Variants in CTNNA3 observed in about 807,000 individuals in gnomAD.
CTNNA3 encodes catenin alpha-3.
Under a neutral mutation model 95.7 loss-of-function variants are expected in CTNNA3, and 76 were observed. That is an observed-to-expected ratio of 0.79 (90% confidence interval 0.66 to 0.96). The LOEUF is 0.96. CTNNA3 is among the 40% of genes least tolerant of loss of function. The pLI is 0.00. For missense variants in CTNNA3, 1,191 were observed against 1,089.8 expected (o/e 1.09, Z -1.31); for synonymous variants, 431 against 374.4 (o/e 1.15, Z -1.74).
chr10:67,552,589 G>T (rs1841072119), intron 3 of CTNNA3, among the ~76,000 whole-genome samples: 1 of 151,730 alleles, frequency 6.6e-6, no homozygotes, highest in South Asian at 2.1e-4. Context: ...GTACCATGGT[G>T]GTTTGCTGCA....
At chr10:66,181,543 C>T (rs1050312410) in intron 13 of CTNNA3, among the ~76,000 whole-genome samples, 1 of 152,080 alleles carries the variant, frequency 6.6e-6, no homozygotes, top group African/African-American at 2.4e-5. Context: ...CTACACACTC[C>T]CACCCTCAGT....
intron 7 of CTNNA3, among the ~76,000 whole-genome samples, chr10:66,941,520 T>A (rs558230475): frequency 6.6e-6 from 1 of 152,124 alleles, no homozygotes; most frequent in East Asian, 1.9e-4. Flanking sequence ...TTCAACTGTA[T>A]GGAATTTGAA....
intron 5 of CTNNA3, among the ~76,000 whole-genome samples, chr10:67,513,603 G>A (rs1839711231): frequency 6.6e-6 from 1 of 152,158 alleles, no homozygotes; most frequent in Non-Finnish European, 1.5e-5. Context: ...AGACACAGGA[G>A]GTAGCAGAAG....
chr10:65,952,029 C>CAAAAAA (rs55842958), intron 17 of CTNNA3, among the ~76,000 whole-genome samples: 1 of 99,714 alleles, frequency 1.0e-5, no homozygotes, highest in Non-Finnish European at 2.0e-5. Flanking sequence ...GGCTCCGCCT[C>CAAAAAA]AAAAAAAAAA....
At chr10:67,526,711 C>T (rs1156738899) in intron 4 of CTNNA3, among the ~76,000 whole-genome samples, 1 of 152,190 alleles carries the variant, frequency 6.6e-6, no homozygotes, top group Non-Finnish European at 1.5e-5. Context: ...AGAAACAACT[C>T]TTACCCTAAC....
At chr10:66,135,536 G>C (rs187635998) in intron 13 of CTNNA3, among the ~76,000 whole-genome samples, 2 of 152,178 alleles carry the variant, frequency 1.3e-5, no homozygotes, top group Admixed American at 1.3e-4. Context: ...AAAACATATA[G>C]AAAGAATAAA....
chr10:66,211,997 T>G (rs946094937), intron 13 of CTNNA3, among the ~76,000 whole-genome samples: 4 of 145,422 alleles, frequency 2.8e-5, no homozygotes, highest in Admixed American at 1.4e-4. Context: ...TTTTTTTTTT[T>G]TTTTTTTTTT....
At chr10:67,259,183 AACT>A (rs1866482664) in intron 5 of CTNNA3, among the ~76,000 whole-genome samples, 2 of 152,174 alleles carry the variant, frequency 1.3e-5, no homozygotes, top group South Asian at 4.1e-4. Context: ...TTTAGCTTTT[AACT>A]ACTTACTACT....
At chr10:67,555,428 G>A (rs7097438) in intron 3 of CTNNA3, among the ~76,000 whole-genome samples, 30,102 of 151,836 alleles carry the variant, frequency 0.2, 4,951 homozygotes, top group African/African-American at 0.46. Flanking sequence ...CTTTTATTTC[G>A]TTGAGCAGTG....
chr10:66,805,461 T>C (rs910737524), intron 7 of CTNNA3, among the ~76,000 whole-genome samples: 3 of 150,110 alleles, frequency 2.0e-5, no homozygotes, highest in African/African-American at 7.3e-5. Context: ...TCACTTTCTG[T>C]CTCTAGATTC....
intron 13 of CTNNA3, among the ~76,000 whole-genome samples, chr10:66,268,229 C>T (rs544044458): frequency 6.6e-6 from 1 of 152,158 alleles, no homozygotes; most frequent in South Asian, 2.1e-4. Flanking sequence ...ACACTCTTTC[C>T]ATTGAAAGAT....
chr10:66,913,166 G>A (rs1589415740), intron 7 of CTNNA3, among the ~76,000 whole-genome samples: 2 of 147,768 alleles, frequency 1.4e-5, no homozygotes, highest in South Asian at 2.2e-4. Context: ...GTGAACCCGG[G>A]AGGCGGAGCT....
rs145065958 is a variant in CTNNA3, at chr10:67,223,917, T to C, written c.580-4047A>G. Among the ~76,000 whole-genome samples the C allele has an allele frequency of 3.2e-3, 488 of 152,344 alleles. 3 individuals carry two copies. The highest frequency in any genetic ancestry group is 5.6e-3 in the Non-Finnish European group (384 of 68,028). On this transcript the variant is annotated intron_variant, in intron 5 of 17. Transcript: ENST00000433211. The stretch of plus-strand genomic sequence containing the variant: ...GTTTGAAGGGATTAAATAAAATTTC[T>C]CAGAGAATGTGAATCTTTTTTCCAG...
Position 66,421,920 on chromosome 10 carries a change from A to ACT in CTNNA3, c.1532-42569_1532-42568insAG, listed in dbSNP as rs1408675996. On this transcript the variant is annotated intron_variant, in intron 11 of 17. Transcript: ENST00000433211. ...GTGATATATATATATATATATACAC[A>ACT]CACACACAAGAAAAAAAGAATTCAG... Among the ~76,000 whole-genome samples, 882 of 139,702 alleles carry ACT rather than the reference A, an allele frequency of 6.3e-3. 23 individuals are homozygous for ACT. Among genetic ancestry groups the ACT allele is most frequent in the African/African-American group, 0.023 (841 of 36,530 alleles). The allele number at this position is 139,702 out of a possible 152,430, so 91.6% of individuals were successfully genotyped here.
At chr10:66,656,050 C>A (rs753301219) in intron 9 of CTNNA3, among the ~76,000 whole-genome samples, 1 of 151,954 alleles carries the variant, frequency 6.6e-6, no homozygotes, top group Non-Finnish European at 1.5e-5. Flanking sequence ...TTTTAGTACA[C>A]GGCCAGTAAA....
chr10:67,400,022 A>T (rs1407245803), intron 5 of CTNNA3, among the ~76,000 whole-genome samples: 5 of 152,050 alleles, frequency 3.3e-5, no homozygotes, highest in Non-Finnish European at 5.9e-5. Context: ...GCACCCATTA[A>T]CTCATCATTT....
intron 7 of CTNNA3, among the ~76,000 whole-genome samples, chr10:66,843,278 T>A (rs7093522): frequency 0.69 from 104,980 of 151,966 alleles, 37,311 homozygotes; most frequent in African/African-American, 0.82. Context: ...TAGGATTCAA[T>A]CCCAGACCCC....
chr10:67,591,225 T>A (rs1041158717), intron 3 of CTNNA3, among the ~76,000 whole-genome samples: 1 of 152,126 alleles, frequency 6.6e-6, no homozygotes, highest in African/African-American at 2.4e-5. Context: ...TAGGAAGAAA[T>A]GTCTAGCCAA....
At chr10:66,216,585 A>C (rs1004302323) in intron 13 of CTNNA3, among the ~76,000 whole-genome samples, 1 of 152,230 alleles carries the variant, frequency 6.6e-6, no homozygotes, top group Non-Finnish European at 1.5e-5. Context: ...CTGGATTTTT[A>C]AAAAACTAAC....
Sources: allele counts gnomAD v4.1 joint callset (sites outside exome capture counted in the v4.1 genomes callset), GRCh38; gene constraint gnomAD v4.1.1; transcripts MANE v1.5; gene names NCBI Gene and HGNC (gene_info 2026-07-23, HGNC 2026-07-21).